The following TEAD1 variants were observed in gnomAD, a reference collection of about 807,000 sequenced individuals.
TEAD1 encodes TEA domain transcription factor 1.
TEAD1 carries 9 observed loss-of-function variants against 54.9 expected under a neutral mutation model. That is an observed-to-expected ratio of 0.16 (90% CI 0.10 to 0.29). The LOEUF (loss-of-function observed/expected upper bound fraction) is 0.29, where lower values mean the gene tolerates loss of function less well. TEAD1 is among the 10% of genes least tolerant of loss of function. The probability of loss-of-function intolerance (pLI) is 1.00; values close to 1 mark genes in which losing one functional copy is unlikely to be tolerated. For synonymous variants in TEAD1, 200 were observed against 187.8 expected (o/e 1.07, Z -0.53); for missense variants, 387 against 535.9 (o/e 0.72, Z 2.74).
intron 10 of TEAD1, among the ~76,000 whole-genome samples, chr11:12,911,644 T>C (rs1948620191): frequency 6.6e-6 from 1 of 152,008 alleles, no homozygotes; most frequent in Non-Finnish European, 1.5e-5. Flanking sequence ...GGCTAATACA[T>C]GTTAAATTTT....
At chr11:12,754,993 A>G (rs1590117806) in intron 2 of TEAD1, among the ~76,000 whole-genome samples, 1 of 152,214 alleles carries the variant, frequency 6.6e-6, no homozygotes, top group African/African-American at 2.4e-5. Context: ...ATGCAGCACA[A>G]TTAGAATTCT....
At chr11:12,936,975 GAC>G (rs1949112783) in intron 12 of TEAD1, 132 bp from the exon 13 acceptor site, 5 of 656,508 alleles carry the variant, frequency 7.6e-6, no homozygotes, top group Non-Finnish European at 1.4e-5. Context: ...TGTGTTAGAG[GAC>G]ACAGAGTGAG....
At chr11:12,783,155 C>A (rs1173560329) in intron 3 of TEAD1, among the ~76,000 whole-genome samples, 1 of 144,170 alleles carries the variant, frequency 6.9e-6, no homozygotes, top group Non-Finnish European at 1.5e-5. Context: ...CTTTTTAAAT[C>A]ACTGTATGAC....
chr11:12,739,953 A>C (rs1049662394), intron 2 of TEAD1, among the ~76,000 whole-genome samples: 1 of 152,248 alleles, frequency 6.6e-6, no homozygotes, highest in Non-Finnish European at 1.5e-5. Flanking sequence ...CAAAAGCTTC[A>C]TGGGAAAGCC....
intron 3 of TEAD1, among the ~76,000 whole-genome samples, chr11:12,803,693 A>C (rs1175288169): frequency 2.0e-5 from 3 of 152,310 alleles, no homozygotes; most frequent in East Asian, 3.9e-4. Flanking sequence ...AGAAGACTGC[A>C]TTTCCTGAAT....
At chr11:12,692,162 T>G (rs755423536) in intron 2 of TEAD1, among the ~76,000 whole-genome samples, 5 of 152,188 alleles carry the variant, frequency 3.3e-5, no homozygotes, top group Non-Finnish European at 7.3e-5. Context: ...ATTTCTGTCT[T>G]TGCTTCTTGG....
intron 2 of TEAD1, among the ~76,000 whole-genome samples, chr11:12,747,597 G>T (rs1183347009): frequency 6.6e-6 from 1 of 152,174 alleles, no homozygotes; most frequent in African/African-American, 2.4e-5. Flanking sequence ...AGGTCTCTCA[G>T]AGTGCTAGGA....
chr11:12,717,955 A>G (rs1230468500), intron 2 of TEAD1, among the ~76,000 whole-genome samples: 1 of 152,232 alleles, frequency 6.6e-6, no homozygotes, highest in Non-Finnish European at 1.5e-5. Flanking sequence ...AAATGAGTTA[A>G]CGGATATGAA....
At chr11:12,710,672 GGACAGCAGT>G (rs1399361526) in intron 2 of TEAD1, among the ~76,000 whole-genome samples, 1 of 152,132 alleles carries the variant, frequency 6.6e-6, no homozygotes, top group Admixed American at 6.5e-5. Flanking sequence ...GTAGGCACTG[GGACAGCAGT>G]GAACAAGCAG....
intron 2 of TEAD1, among the ~76,000 whole-genome samples, chr11:12,710,398 C>G (rs1164801163): frequency 3.9e-5 from 6 of 152,082 alleles, no homozygotes; most frequent in African/African-American, 1.4e-4. Context: ...TGGGCATCTA[C>G]TGTGTGCCAG....
intron 5 of TEAD1, among the ~76,000 whole-genome samples, chr11:12,873,884 C>G (rs978458560): frequency 6.6e-6 from 1 of 152,192 alleles, no homozygotes; most frequent in Non-Finnish European, 1.5e-5. Flanking sequence ...TGTGTTTTGT[C>G]TTTTTCTGAA....
rs1179608989 is a variant in TEAD1, at chr11:12,944,039, CGTGT to C, written c.*6820_*6823del. 1 of 152,520 alleles carries C rather than the reference CGTGT, an allele frequency of 6.6e-6. No homozygotes were observed. Among genetic ancestry groups the C allele is most frequent in the Non-Finnish European group, 1.5e-5 (1 of 68,022 alleles). 9.4% of individuals were successfully genotyped at this position (152,520 alleles called of 1,614,324 possible). A position where few individuals can be genotyped will look rare whatever the true frequency, so the allele number is the denominator to read the frequency against. On this transcript the variant is annotated 3_prime_UTR_variant, in exon 13 of 13. Coordinates refer to ENST00000527636, the MANE Select transcript of TEAD1 (RefSeq NM_021961.6). ...ATTTTATGTAAATCGGTTTTCGCCACGTGTGTTTGTTCACATTCTAAATGACTTA... is the reference window on the plus strand; with the variant it reads ...ATTTTATGTAAATCGGTTTTCGCCACGTTTGTTCACATTCTAAATGACTTA...
chr11:12,902,016 T>G lies in TEAD1; in HGVS notation c.776T>G (p.Ile259Ser), dbSNP rs747906277. 6.2e-7 allele frequency: 1 copy of G among 1,614,236 alleles called. No homozygotes were observed. The highest frequency in any genetic ancestry group is 1.1e-5 in the South Asian group (1 of 91,088). Residue 259 changes from isoleucine (I) to serine (S), a missense_variant, in exon 10 of 13, where the codon ATT becomes AGT. This residue lies in a region of TEAD1 where 180 missense variants were observed against 180.6 expected (regional missense o/e 1.00). Transcript: ENST00000527636. ...GACCCATTGCTTGAATCAGTGGACA[T>G]TCGTCAGATTTATGACAAATTTCCT... is the stretch of plus-strand genomic sequence containing the variant.
At chr11:12,846,412 C>T (rs1040100913) in intron 3 of TEAD1, among the ~76,000 whole-genome samples, 4 of 152,180 alleles carry the variant, frequency 2.6e-5, no homozygotes, top group Non-Finnish European at 5.9e-5. Flanking sequence ...AACCTTCTAT[C>T]CACACAAGGG....
intron 2 of TEAD1, among the ~76,000 whole-genome samples, chr11:12,724,400 G>A (rs1944273481): frequency 6.6e-6 from 1 of 152,220 alleles, no homozygotes; most frequent in African/African-American, 2.4e-5. Context: ...GGCTGTTTGA[G>A]ATGAGGCACA....
At chr11:12,691,379 T>C (rs1177188157) in intron 2 of TEAD1, among the ~76,000 whole-genome samples, 1 of 152,204 alleles carries the variant, frequency 6.6e-6, no homozygotes, top group Non-Finnish European at 1.5e-5. Context: ...TGGGTTCCTT[T>C]TAGTGAGAAA....
chr11:12,772,264 G>A (rs912208401), intron 3 of TEAD1, among the ~76,000 whole-genome samples: 3 of 152,228 alleles, frequency 2.0e-5, no homozygotes, highest in African/African-American at 7.2e-5. Context: ...ACGGTATCCT[G>A]AAGGGCAGAA....
intron 2 of TEAD1, among the ~76,000 whole-genome samples, chr11:12,743,702 A>G (rs539117049): frequency 1.3e-5 from 2 of 152,212 alleles, no homozygotes; most frequent in Non-Finnish European, 2.9e-5. Flanking sequence ...TTGAGATTTT[A>G]AAAGTTGCCT....
At chr11:12,819,662 A>G (rs1034153201) in intron 3 of TEAD1, among the ~76,000 whole-genome samples, 3 of 151,834 alleles carry the variant, frequency 2.0e-5, no homozygotes, top group Admixed American at 6.6e-5. Context: ...CATGTTAGCC[A>G]GGATGGTCTT....
Sources: gnomAD v4.1 joint callset for allele counts (sites outside exome capture counted in the v4.1 genomes callset) on GRCh38, gnomAD v4.1.1 for gene constraint, gnomAD v4.1.1 regional missense constraint, MANE v1.5 for transcripts, NCBI Gene and HGNC (gene_info 2026-07-23, HGNC 2026-07-21) for gene names.